DUOXA1: variants seen among roughly 807,000 people sequenced by gnomAD.
DUOXA1 encodes the protein dual oxidase activator 1.
A neutral mutation model predicts 26.6 loss-of-function variants in DUOXA1; 19 were observed. The observed-to-expected ratio is 0.71, with a 90% confidence interval of 0.50 to 1.05. The LOEUF (loss-of-function observed/expected upper bound fraction) is 1.05. DUOXA1 is among the 50% of genes least tolerant of loss of function. The pLI, the probability that DUOXA1 is intolerant of heterozygous loss-of-function variation, is 0.00. For missense variants in DUOXA1, 403 were observed against 427.5 expected, an observed-to-expected ratio of 0.94 and a Z score of 0.51; for synonymous variants, 166 against 177.0, an observed-to-expected ratio of 0.94 and a Z score of 0.49.
At chr15:45,120,874 C>T in intron 6 of DUOXA1, 69 bp from the exon 7 acceptor site, 1 of 1,553,842 alleles carries the variant, frequency 6.4e-7, no homozygotes, top group East Asian at 2.2e-5. Flanking sequence ...AGGGACTCAC[C>T]CACACTGGGC....
At chr15:45,125,699 G>C (rs761907681) in intron 3 of DUOXA1, among the ~76,000 whole-genome samples, 6 of 152,044 alleles carry the variant, frequency 3.9e-5, no homozygotes, top group Non-Finnish European at 7.4e-5. Flanking sequence ...ATCACACCAT[G>C]TTCTCCAGGG....
intron 8 of DUOXA1, 106 bp downstream of exon 8, chr15:45,119,997 T>G (rs1348678917): frequency 6.0e-6 from 8 of 1,342,536 alleles, no homozygotes; most frequent in Non-Finnish European, 8.4e-6. Context: ...GGCAAAGCCA[T>G]CCTGGCCTCC....
Position 45,117,770 on chromosome 15 carries a change from C to G in DUOXA1, c.*1336G>C. ...GTGGTGAGTCTCCAGTATGTTCGGCCCAGCGCTCTTCGCACCCTTCTGGAC... is the reference window on the plus strand; with the variant it reads ...GTGGTGAGTCTCCAGTATGTTCGGCGCAGCGCTCTTCGCACCCTTCTGGAC... On this transcript the variant is annotated 3_prime_UTR_variant, in exon 9 of 9. Coordinates refer to ENST00000560572, the MANE Select transcript of DUOXA1 (RefSeq NM_001276266.2). 6.2e-7 allele frequency: 1 copy of G among 1,613,962 alleles called. No homozygotes were observed. The highest frequency in any genetic ancestry group is 8.5e-7 in the Non-Finnish European group (1 of 1,179,992).
intron 3 of DUOXA1, among the ~76,000 whole-genome samples, chr15:45,125,845 C>T (rs1595560923): frequency 6.6e-6 from 1 of 152,184 alleles, no homozygotes; most frequent in East Asian, 1.9e-4. Context: ...CAATCTCATC[C>T]ATTCCCATGG....
intron 3 of DUOXA1, among the ~76,000 whole-genome samples, chr15:45,124,556 C>T (rs915538915): frequency 6.6e-6 from 1 of 152,172 alleles, no homozygotes; most frequent in African/African-American, 2.4e-5. Context: ...GTCACCCAGG[C>T]TGGAGTGCAG....
chr15:45,120,986 G>C, intron 6 of DUOXA1, 101 bp downstream of exon 6: 1 of 1,566,340 alleles, frequency 6.4e-7, no homozygotes, highest in Non-Finnish European at 8.7e-7. Flanking sequence ...CATCCTCCCA[G>C]CCCCTGTGCC....
At chr15:45,122,829 G>T in intron 4 of DUOXA1, 39 bp downstream of exon 4, 4 of 1,572,712 alleles carry the variant, frequency 2.5e-6, no homozygotes, top group Non-Finnish European at 3.4e-6. Context: ...TGAGGCTGAG[G>T]TCTCTCTGGG....
intron 3 of DUOXA1, among the ~76,000 whole-genome samples, chr15:45,125,058 G>A (rs960452689): frequency 7.2e-5 from 11 of 152,158 alleles, no homozygotes; most frequent in African/African-American, 2.7e-4. Context: ...TGTTGTCTGT[G>A]AGAGTAGCAT....
At chr15:45,121,606 C>G (rs147703193) in intron 5 of DUOXA1, among the ~76,000 whole-genome samples, 2,308 of 152,332 alleles carry the variant, frequency 0.015, 56 homozygotes, top group African/African-American at 0.052. Context: ...CCTCCGCCTC[C>G]CGGGTTCAAG....
chr15:45,122,730 T>C, intron 4 of DUOXA1, 138 bp downstream of exon 4: 3 of 1,089,070 alleles, frequency 2.8e-6, no homozygotes, highest in Non-Finnish European at 2.6e-6. Context: ...AATGGGGAGC[T>C]TTCTGCCTGG....
rs753869388 is a variant in DUOXA1, at chr15:45,117,827, G to T, written c.*1279C>A. The T allele has an allele frequency of 1.2e-6, 2 of 1,613,866 alleles. No individual in the cohort carries two copies. The highest frequency in any genetic ancestry group is 1.1e-5 in the South Asian group (1 of 91,086). On this transcript the variant is annotated 3_prime_UTR_variant, in exon 9 of 9. Transcript: ENST00000560572. ...GCCAAGGACTGCAGCCAGGAGAGAG[G>T]GGGCTCACCTCTTATCCTCGGCGAC... is the stretch of plus-strand genomic sequence containing the variant.
Position 45,122,211 on chromosome 15 carries a change from C to A in DUOXA1, c.179G>T (p.Ser60Ile). The change falls in exon 5 of 9, where the codon AGC becomes ATC. Residue 60 changes from serine (S) to isoleucine (I), a missense_variant. Ser to Ile is a moderately radical substitution (Grantham distance 142). Transcript: ENST00000560572. ...RLFWLLRVVTSLFIGAAILAV... is the reference protein window; with the variant it reads ...RLFWLLRVVTILFIGAAILAV... ...CAGGATTGCAGCCCCGATGAATAAG[C>A]TGGTCACCACCCGAAGCAGCCAGAA... is the stretch of plus-strand genomic sequence containing the variant. The A allele has an allele frequency of 6.2e-7, 1 of 1,605,386 alleles. No individual in the cohort carries two copies. Among genetic ancestry groups the A allele is most frequent in the Non-Finnish European group, 8.5e-7 (1 of 1,176,014 alleles).
rs774253631 is a variant in DUOXA1 at position 45,120,643 on chromosome 15, C to A, written c.503G>T (p.Gly168Val). 2 of 1,614,022 alleles carry A rather than the reference C, an allele frequency of 1.2e-6. No homozygotes were observed. The highest frequency in any genetic ancestry group is 2.2e-5 in the East Asian group (1 of 44,890). Residue 168 changes from glycine (G) to valine (V), a missense_variant, in exon 7 of 9, where the codon GGC (glycine) becomes GTC (valine). Transcript: ENST00000560572. ...CGCCAGGCGGTACTGGCGGTATAGG[C>A]CACATGGGCTTCTTGGAGTGAACTT... is the stretch of plus-strand genomic sequence containing the variant. ...AEKFTPRSPCGLYRQYRLAGH... is the reference protein window; with the variant it reads ...AEKFTPRSPCVLYRQYRLAGH...
intron 5 of DUOXA1, among the ~76,000 whole-genome samples, chr15:45,121,507 A>G (rs1227444368): frequency 6.6e-6 from 1 of 152,232 alleles, no homozygotes; most frequent in Non-Finnish European, 1.5e-5. Flanking sequence ...AGGCAAACGC[A>G]GATAGCTTCA....
chr15:45,127,682 C>T (rs1329285539), intron 3 of DUOXA1, among the ~76,000 whole-genome samples: 2 of 152,182 alleles, frequency 1.3e-5, no homozygotes, highest in East Asian at 3.8e-4. Flanking sequence ...TCCTGCTTTT[C>T]CTACAACGCT....
rs1250292743 is a variant in DUOXA1 at position 45,119,108 on chromosome 15, A to G, written c.1030T>C (p.Ter344GlnextTer65). 6.3e-7 allele frequency: 1 copy of G among 1,578,696 alleles called. No individual in the cohort carries two copies. The highest frequency in any genetic ancestry group is 2.3e-5 in the East Asian group (1 of 44,082). ...AHPKDPDCAL[*>Q] is the part of the protein sequence containing the mutation. Reference sequence around the variant, plus strand: ...GGTGGCCTCCACGGGGAGGAATGTTATAAAGCACAATCAGGATCTTTGGGG... The same window carrying G: ...GGTGGCCTCCACGGGGAGGAATGTTGTAAAGCACAATCAGGATCTTTGGGG... Residue 344 changes from the stop codon to glutamine (Q), a stop_lost, in exon 9 of 9, where the codon TAA (stop) becomes CAA (glutamine). Coordinates refer to ENST00000560572, the MANE Select transcript of DUOXA1 (RefSeq NM_001276266.2).
Position 45,117,534 on chromosome 15 carries a change from C to T in DUOXA1, c.*1572G>A, listed in dbSNP as rs61751061. On this transcript the variant is annotated 3_prime_UTR_variant, in exon 9 of 9. Coordinates refer to ENST00000560572, the MANE Select transcript of DUOXA1 (RefSeq NM_001276266.2). ...TGTAATTCAGATTAGAGGTGTGTGG[C>T]GGGAGGTAACACAAGGGGTAGGCTC... The T allele has an allele frequency of 2.6e-6, 4 of 1,560,242 alleles. No homozygotes were observed. The highest frequency in any genetic ancestry group is 3.5e-6 in the Non-Finnish European group (4 of 1,151,486).
Position 45,117,588 on chromosome 15 carries a change from C to A in DUOXA1, c.*1518G>T, listed in dbSNP as rs771005193. On this transcript the variant is annotated 3_prime_UTR_variant, in exon 9 of 9. Coordinates refer to ENST00000560572, the MANE Select transcript of DUOXA1 (RefSeq NM_001276266.2). ...AAGATGGAAGAAGGCCCGGGCATCA[C>A]GCCTGTAATCCCAGCACTTTGGGAG... 12 of 1,610,560 alleles carry A rather than the reference C, an allele frequency of 7.5e-6. No individual in the cohort carries two copies. The highest frequency in any genetic ancestry group is 8.5e-6 in the Non-Finnish European group (10 of 1,178,336).
In DUOXA1 at chr15:45,120,735, G is replaced by A. The variant is rs370876996; in HGVS notation, c.411C>T (p.Asn137=). 5 of 1,614,020 alleles carry A rather than the reference G, an allele frequency of 3.1e-6. No individual in the cohort carries two copies. The highest frequency in any genetic ancestry group is 4.2e-6 in the Non-Finnish European group (5 of 1,180,016). The part of the protein sequence containing the change: ...NEEFTWRLGE[N]YAEEYAKALE... The stretch of plus-strand genomic sequence containing the variant: ...GAGCCTTTGCATACTCCTCAGCATA[G>A]TTCTCACCCAGGCGCCAGGTGAACT... Residue 137 remains asparagine, a synonymous_variant, in exon 7 of 9, where the codon AAC becomes AAT. Coordinates refer to ENST00000560572, the MANE Select transcript of DUOXA1 (RefSeq NM_001276266.2).
Sources: allele counts gnomAD v4.1 joint callset (sites outside exome capture counted in the v4.1 genomes callset), GRCh38; gene constraint gnomAD v4.1.1; transcripts MANE v1.5; gene names NCBI Gene and HGNC (gene_info 2026-07-23, HGNC 2026-07-21).